Variants in NR5A2 observed in about 807,000 individuals in gnomAD.
NR5A2 encodes CYP7A promoter-binding factor.
A neutral mutation model predicts 62.7 loss-of-function variants in NR5A2; 26 were observed. That is an observed-to-expected ratio of 0.41 (90% confidence interval 0.30 to 0.58). The LOEUF (loss-of-function observed/expected upper bound fraction) is 0.58. Among genes scored for constraint, NR5A2 ranks in the 20% least tolerant of loss-of-function variants. The pLI is 0.22. For missense variants in NR5A2, 541 were observed against 669.1 expected, an observed-to-expected ratio of 0.81 and a Z score of 2.11; for synonymous variants, 246 against 241.7, an observed-to-expected ratio of 1.02 and a Z score of -0.16.
At chr1:200,114,446 T>A (rs912699847) in intron 6 of NR5A2, among the ~76,000 whole-genome samples, 1 of 152,184 alleles carries the variant, frequency 6.6e-6, no homozygotes, top group Non-Finnish European at 1.5e-5. Context: ...CTGGTGTGTG[T>A]GTGTAAAATT....
At chr1:200,118,384 G>C (rs1456475543) in intron 6 of NR5A2, among the ~76,000 whole-genome samples, 2 of 152,190 alleles carry the variant, frequency 1.3e-5, no homozygotes, top group African/African-American at 2.4e-5. Context: ...GCATTCCGTT[G>C]ATTCCAAGCT....
At chr1:200,081,076 G>A (rs2821312) in intron 5 of NR5A2, among the ~76,000 whole-genome samples, 79,958 of 151,986 alleles carry the variant, frequency 0.53, 21,150 homozygotes, top group African/African-American at 0.58. Context: ...AGAATCACCA[G>A]TTACATTGAG....
intron 7 of NR5A2, 112 bp downstream of exon 7, chr1:200,121,067 C>T: frequency 1.8e-6 from 2 of 1,102,694 alleles, no homozygotes; most frequent in South Asian, 1.4e-5. Flanking sequence ...AATGCCCTTC[C>T]TGTCAAATTA....
Position 200,174,155 on chromosome 1 carries a change from G to A in NR5A2, c.1571G>A (p.Gly524Glu). 2 of 1,613,488 alleles carry A rather than the reference G, an allele frequency of 1.2e-6. No individual in the cohort carries two copies. The highest frequency in any genetic ancestry group is 8.5e-7 in the Non-Finnish European group (1 of 1,179,790). Residue 524 changes from glycine (G) to glutamate (E), a missense_variant, in exon 8 of 8, where the codon GGG (glycine) becomes GAG (glutamate). Physicochemically the swap from Gly to Glu is moderately conservative, Grantham distance 98. Coordinates refer to ENST00000367362, the MANE Select transcript of NR5A2 (RefSeq NM_205860.3). ...TACCTCTACTACAAGCACCTGAACG[G>A]GGATGTGCCCTATAATAACCTTCTC... The part of the protein sequence containing the change: ...EEYLYYKHLN[G>E]DVPYNNLLIE...
rs745787824 is a variant in NR5A2, at chr1:200,120,988, C to T, written c.1378+33C>T. 4 of 1,610,554 alleles carry T rather than the reference C, an allele frequency of 2.5e-6. No individual in the cohort carries two copies. The Admixed American group carries it at 6.7e-5, about 27-fold the overall frequency. ...ATCCTTTTCTCATGCTGTGCTCAAC[C>T]AACGATTGCTAAATGATGTTGAAGT... On this transcript the variant is annotated intron_variant, in intron 7 of 7. Coordinates refer to ENST00000367362, the MANE Select transcript of NR5A2 (RefSeq NM_205860.3).
chr1:200,052,867 C>G (rs10919802), intron 5 of NR5A2, among the ~76,000 whole-genome samples: 69,805 of 151,666 alleles, frequency 0.46, 19,519 homozygotes, highest in East Asian at 0.65. Flanking sequence ...GTCTTGATCT[C>G]CTGACCTTGC....
At chr1:200,035,067 C>T (rs1661712640) in intron 1 of NR5A2, among the ~76,000 whole-genome samples, 1 of 151,896 alleles carries the variant, frequency 6.6e-6, no homozygotes, top group Non-Finnish European at 1.5e-5. Context: ...GGTTTTTCGG[C>T]TGGGAGGGGC....
intron 5 of NR5A2, among the ~76,000 whole-genome samples, chr1:200,057,333 G>C (rs977320740): frequency 6.6e-6 from 1 of 152,114 alleles, no homozygotes; most frequent in Non-Finnish European, 1.5e-5. Flanking sequence ...CCAGTGATGA[G>C]AGCACAGTGT....
chr1:200,072,066 G>A (rs1377867142), intron 5 of NR5A2, among the ~76,000 whole-genome samples: 1 of 152,090 alleles, frequency 6.6e-6, no homozygotes, highest in African/African-American at 2.4e-5. Flanking sequence ...ATCTTCACAA[G>A]GAATTGCTTA....
chr1:200,147,314 G>A lies in NR5A2; in HGVS notation c.1378+26359G>A, dbSNP rs1469200708. Among the ~76,000 whole-genome samples, 9 of 152,310 alleles carry A rather than the reference G, an allele frequency of 5.9e-5. No homozygotes were observed. In the East Asian group the frequency reaches 1.7e-3, roughly 29 times the overall value. On this transcript the variant is annotated intron_variant, in intron 7 of 7. Transcript: ENST00000367362. This position sits in a 1 kb window ranked among gnomAD's most constrained non-coding sequence, Gnocchi z 4.9. Reference sequence around the variant, plus strand: ...CTGCTGTGCCAGGCGCCTACTGTGCGCTCCTCTCCTCATCCAGCAAAGCTC... The same window carrying A: ...CTGCTGTGCCAGGCGCCTACTGTGCACTCCTCTCCTCATCCAGCAAAGCTC...
chr1:200,115,737 C>G (rs543097196), intron 6 of NR5A2, among the ~76,000 whole-genome samples: 2 of 151,876 alleles, frequency 1.3e-5, no homozygotes, highest in Non-Finnish European at 2.9e-5. Flanking sequence ...AGAGAAAGTG[C>G]GGGGAAATTT....
chr1:200,029,783 C>G (rs1163562160), intron 1 of NR5A2: 1 of 152,226 alleles, frequency 6.6e-6, no homozygotes, highest in African/African-American at 2.4e-5. Flanking sequence ...CTTCCCAACC[C>G]AAGCACATCC....
At chr1:200,107,120 G>A (rs573088808) in intron 5 of NR5A2, among the ~76,000 whole-genome samples, 36 of 152,298 alleles carry the variant, frequency 2.4e-4, no homozygotes, top group Non-Finnish European at 4.9e-4. Context: ...CGTGTGAGAA[G>A]GGTCAGATGC....
intron 7 of NR5A2, among the ~76,000 whole-genome samples, chr1:200,153,197 T>C (rs1389821716): frequency 6.6e-6 from 1 of 152,218 alleles, no homozygotes; most frequent in Non-Finnish European, 1.5e-5. Context: ...GAAATGGAAG[T>C]CTAAGTAGAG....
At chr1:200,101,556 G>A (rs1475326917) in intron 5 of NR5A2, among the ~76,000 whole-genome samples, 4 of 152,220 alleles carry the variant, frequency 2.6e-5, no homozygotes, top group Non-Finnish European at 5.9e-5. Flanking sequence ...TAACCCAGGA[G>A]TGGCAGAGAC....
intron 5 of NR5A2, among the ~76,000 whole-genome samples, chr1:200,063,085 G>A (rs947677006): frequency 2.0e-5 from 3 of 151,016 alleles, no homozygotes; most frequent in South Asian, 2.1e-4. Flanking sequence ...GTGCAGTGTC[G>A]CGATTTCGGC....
At chr1:200,111,141 G>T in intron 5 of NR5A2, 61 bp from the exon 6 acceptor site, 1 of 1,570,462 alleles carries the variant, frequency 6.4e-7, no homozygotes, top group Non-Finnish European at 8.6e-7. Flanking sequence ...AAACAAAAAA[G>T]TAGTGAATAA....
intron 5 of NR5A2, among the ~76,000 whole-genome samples, chr1:200,086,524 A>G (rs1664534107): frequency 6.6e-6 from 1 of 151,974 alleles, no homozygotes; most frequent in African/African-American, 2.4e-5. Context: ...GCTGGTCTTG[A>G]ACTGCCAACC....
intron 6 of NR5A2, among the ~76,000 whole-genome samples, chr1:200,118,301 G>C (rs1277630561): frequency 2.0e-5 from 3 of 152,134 alleles, no homozygotes; most frequent in Non-Finnish European, 2.9e-5. Flanking sequence ...ACAGGAGTGA[G>C]CCACCGCACC....
Sources: gnomAD v4.1 joint callset for allele counts (sites outside exome capture counted in the v4.1 genomes callset) on GRCh38, gnomAD v4.1.1 for gene constraint, Gnocchi (gnomAD v3.1) non-coding constraint, MANE v1.5 for transcripts, NCBI Gene and HGNC (gene_info 2026-07-23, HGNC 2026-07-21) for gene names.